SORL1: variants seen among roughly 807,000 people sequenced by gnomAD.
The protein encoded by SORL1 is sortilin-related receptor.
A neutral mutation model predicts 273.7 loss-of-function variants in SORL1; 127 were observed. The observed-to-expected ratio is 0.46, with a 90% CI of 0.40 to 0.54. The LOEUF is 0.54. Among genes scored for constraint, SORL1 ranks in the 20% least tolerant of loss-of-function variants. The pLI, the probability that SORL1 is intolerant of heterozygous loss-of-function variation, is 0.00. For missense variants in SORL1, 2,494 were observed against 2,846.1 expected (o/e 0.88, Z 2.81); for synonymous variants, 1,031 against 1,067.4 (o/e 0.97, Z 0.66).
At chr11:121,519,410 CTCTT>C (rs1324779619) in intron 8 of SORL1, among the ~76,000 whole-genome samples, 1 of 151,544 alleles carries the variant, frequency 6.6e-6, no homozygotes, top group Admixed American at 6.6e-5. Context: ...TATTCTCTCT[CTCTT>C]TTTTTTTTTT....
chr11:121,460,294 T>A (rs1468337674), intron 1 of SORL1, among the ~76,000 whole-genome samples: 3 of 152,018 alleles, frequency 2.0e-5, no homozygotes, highest in Middle Eastern at 3.4e-3. Flanking sequence ...GGTGAATCAA[T>A]GGGTGGGCCC....
At chr11:121,570,757 G>A (rs1377093233) in intron 23 of SORL1, among the ~76,000 whole-genome samples, 1 of 152,214 alleles carries the variant, frequency 6.6e-6, no homozygotes, top group Non-Finnish European at 1.5e-5. Flanking sequence ...GTAATGCATA[G>A]CTTGGCCTAC....
At chr11:121,481,344 A>G (rs1279432673) in intron 3 of SORL1, among the ~76,000 whole-genome samples, 49 of 72,228 alleles carry the variant, frequency 6.8e-4, no homozygotes, top group Admixed American at 1.7e-3. Flanking sequence ...CCTATAAGCA[A>G]GCTCCATCTC....
intron 1 of SORL1, among the ~76,000 whole-genome samples, chr11:121,461,057 G>A (rs1243864789): frequency 6.6e-6 from 1 of 152,074 alleles, no homozygotes; most frequent in Non-Finnish European, 1.5e-5. Context: ...GAAACCAGAA[G>A]TGTTTGGAAG....
intron 6 of SORL1, among the ~76,000 whole-genome samples, chr11:121,502,671 C>T (rs1237065761): frequency 6.6e-6 from 1 of 152,022 alleles, no homozygotes; most frequent in African/African-American, 2.4e-5. Flanking sequence ...TGGCTGTTGG[C>T]CATTTGTATG....
intron 41 of SORL1, among the ~76,000 whole-genome samples, chr11:121,617,270 T>C (rs1863656240): frequency 6.6e-6 from 1 of 152,138 alleles, no homozygotes; most frequent in Non-Finnish European, 1.5e-5. Context: ...ATGCGAAGGT[T>C]CCCCCACAAA....
intron 3 of SORL1, among the ~76,000 whole-genome samples, chr11:121,480,936 C>T (rs1451388913): frequency 6.3e-4 from 79 of 125,072 alleles, no homozygotes; most frequent in Non-Finnish European, 9.1e-4. Context: ...CTCCCCAGCT[C>T]CTCCCCTAGT....
chr11:121,596,691 C>T lies in SORL1; in HGVS notation c.4519+919C>T, dbSNP rs550033218. ...TCCTTGCCAGGATAAGGGCTTCGTCCGTGCTTGCCTGATTCCTGTCCTGGT... is the reference window on the plus strand; with the variant it reads ...TCCTTGCCAGGATAAGGGCTTCGTCTGTGCTTGCCTGATTCCTGTCCTGGT... On this transcript the variant is annotated intron_variant, in intron 32 of 47. Transcript: ENST00000260197. The surrounding 1 kb of genome is among the most constrained non-coding windows in gnomAD (Gnocchi z 4.3). Among the ~76,000 whole-genome samples, 126 of 152,280 alleles carry T rather than the reference C, an allele frequency of 8.3e-4. No individual in the cohort carries two copies. The highest frequency in any genetic ancestry group is 3.0e-3 in the African/African-American group (124 of 41,548).
intron 45 of SORL1, among the ~76,000 whole-genome samples, chr11:121,623,247 C>T (rs757760555): frequency 6.6e-6 from 1 of 152,154 alleles, no homozygotes; most frequent in Non-Finnish European, 1.5e-5. Flanking sequence ...AGAGGTAACC[C>T]TCTCATGTTA....
intron 31 of SORL1, among the ~76,000 whole-genome samples, chr11:121,594,244 G>A (rs562560345): frequency 1.8e-4 from 27 of 152,048 alleles, no homozygotes; most frequent in East Asian, 1.5e-3. Flanking sequence ...CCAACATAGC[G>A]GACACTTGCA....
chr11:121,499,834 T>G (rs942592389), intron 6 of SORL1, among the ~76,000 whole-genome samples: 3 of 152,156 alleles, frequency 2.0e-5, no homozygotes, highest in African/African-American at 7.2e-5. Context: ...ATTGGGAAAA[T>G]CAAAGAACTG....
chr11:121,613,926 C>CT (rs2134936947), intron 40 of SORL1, among the ~76,000 whole-genome samples: 1 of 152,310 alleles, frequency 6.6e-6, no homozygotes, highest in Admixed American at 6.5e-5. Flanking sequence ...TAAGCATTTT[C>CT]TTTTTTTCTC....
rs1351878604 is a variant in SORL1, at chr11:121,632,278, G to A, written c.*2715G>A. 6.6e-6 allele frequency: 1 copy of A among 152,164 alleles called. No homozygotes were observed. The highest frequency in any genetic ancestry group is 2.4e-5 in the African/African-American group (1 of 41,428). The allele number at this position is 152,164 out of a possible 1,614,324, so 9.4% of individuals were successfully genotyped here. A position where few individuals can be genotyped will look rare whatever the true frequency, so the allele number is the denominator to read the frequency against. ...CTGGAAACCGATTTTACTCCTGGAT[G>A]TATTGAATGCCCCTTGAGCTTTATG... On this transcript the variant is annotated 3_prime_UTR_variant, in exon 48 of 48. Coordinates refer to ENST00000260197, the MANE Select transcript of SORL1 (RefSeq NM_003105.6).
chr11:121,528,583 A>G lies in SORL1; in HGVS notation c.1597-3881A>G, dbSNP rs543641225. ...CATCATCATTATCTGATTCCAGAAC[A>G]TTTTCATCAATCCATAAATATCTCT... On this transcript the variant is annotated intron_variant, in intron 11 of 47. Transcript: ENST00000260197. Among the ~76,000 whole-genome samples, 4 of 152,334 alleles carry G rather than the reference A, an allele frequency of 2.6e-5. No homozygotes were observed. In the South Asian group the frequency reaches 8.3e-4, roughly 32 times the overall value.
intron 2 of SORL1, among the ~76,000 whole-genome samples, chr11:121,473,909 A>G (rs747602310): frequency 1.3e-5 from 2 of 152,116 alleles, no homozygotes; most frequent in Non-Finnish European, 2.9e-5. Flanking sequence ...AAAAAAAGAA[A>G]AAAAGAAAAG....
At chr11:121,619,637 T>A (rs1863692663) in intron 42 of SORL1, 116 bp from the exon 43 acceptor site, 1 of 875,176 alleles carries the variant, frequency 1.1e-6, no homozygotes, top group Non-Finnish European at 1.8e-6. Context: ...TATTTTATGG[T>A]TTTTTGTACT....
chr11:121,550,165 G>T lies in SORL1; in HGVS notation c.2180+77G>T. 6.2e-6 allele frequency: 9 copies of T among 1,444,244 alleles called. No individual in the cohort carries two copies. Among genetic ancestry groups the T allele is most frequent in the Non-Finnish European group, 8.4e-6 (9 of 1,069,056 alleles). 89.5% of individuals were successfully genotyped at this position (1,444,244 alleles called of 1,614,324 possible). ...GCGAGAGAGCATAGAGGACCGTCTGGATTGCTCTACACTCGAAATTCTAGA... is the reference window on the plus strand; with the variant it reads ...GCGAGAGAGCATAGAGGACCGTCTGTATTGCTCTACACTCGAAATTCTAGA... On this transcript the variant is annotated intron_variant, in intron 15 of 47. Transcript: ENST00000260197. The surrounding 1 kb of genome is among the most constrained non-coding windows in gnomAD (Gnocchi z 5.3).
In SORL1 at chr11:121,555,213, G is replaced by A. The variant is rs771331248; in HGVS notation, c.2466G>A (p.Gly822=). The part of the protein sequence containing the change: ...IQRLCLNGST[G]QEVIINSGLE... The stretch of plus-strand genomic sequence containing the variant: ...GCCTCTGTTTGAATGGAAGCACAGG[G>A]CAAGAGGTGATCATCAATTCTGGCC... Residue 822 remains glycine, a synonymous_variant, in exon 18 of 48, where the codon GGG becomes GGA. Transcript: ENST00000260197. The A allele has an allele frequency of 3.7e-6, 6 of 1,613,972 alleles. No homozygotes were observed. The highest frequency in any genetic ancestry group is 3.3e-5 in the South Asian group (3 of 91,074).
intron 1 of SORL1, among the ~76,000 whole-genome samples, chr11:121,465,819 G>T (rs952875942): frequency 6.6e-6 from 1 of 152,142 alleles, no homozygotes; most frequent in Non-Finnish European, 1.5e-5. Context: ...GAACCACCAC[G>T]CCCGGCTGGG....
Sources: gnomAD v4.1 joint callset for allele counts (sites outside exome capture counted in the v4.1 genomes callset) on GRCh38, gnomAD v4.1.1 for gene constraint, Gnocchi (gnomAD v3.1) non-coding constraint, MANE v1.5 for transcripts, NCBI Gene and HGNC (gene_info 2026-07-23, HGNC 2026-07-21) for gene names.